The following GRID2 variants were observed in gnomAD, a reference collection of about 807,000 sequenced individuals.
GRID2 encodes the protein glutamate ionotropic receptor delta type subunit 2.
In GRID2, 33 loss-of-function variants were observed where a neutral mutation model predicts 114.8. That is an observed-to-expected ratio of 0.29 (90% confidence interval 0.22 to 0.38). GRID2 has a LOEUF of 0.38. Ranked by LOEUF, GRID2 falls within the 10% of genes least tolerant of loss-of-function variation. The probability of loss-of-function intolerance (pLI) is 1.00; values close to 1 mark genes in which losing one functional copy is unlikely to be tolerated. For missense variants in GRID2, 1,184 were observed against 1,257.7 expected, an observed-to-expected ratio of 0.94 and a Z score of 0.89; for synonymous variants, 505 against 449.9, an observed-to-expected ratio of 1.12 and a Z score of -1.55.
At chr4:92,970,500 C>T (rs892326608) in intron 2 of GRID2, among the ~76,000 whole-genome samples, 4 of 151,854 alleles carry the variant, frequency 2.6e-5, no homozygotes, top group South Asian at 4.1e-4. Flanking sequence ...ACTATAAAGA[C>T]AAAATAGCTA....
intron 4 of GRID2, among the ~76,000 whole-genome samples, chr4:93,166,502 G>A (rs1207943621): frequency 2.0e-5 from 3 of 152,172 alleles, no homozygotes; most frequent in Non-Finnish European, 4.4e-5. Context: ...TGATGTGCTG[G>A]CAAAGAATAA....
At chr4:93,008,854 A>G (rs1721832006) in intron 2 of GRID2, among the ~76,000 whole-genome samples, 1 of 152,134 alleles carries the variant, frequency 6.6e-6, no homozygotes, top group African/African-American at 2.4e-5. Flanking sequence ...GAGCTCTCAA[A>G]AAAGACTACT....
chr4:93,411,762 G>A (rs1225721032), intron 9 of GRID2, among the ~76,000 whole-genome samples: 2 of 151,968 alleles, frequency 1.3e-5, no homozygotes, highest in African/African-American at 4.8e-5. Flanking sequence ...GATGTGATCA[G>A]TAGATTTTTT....
intron 2 of GRID2, among the ~76,000 whole-genome samples, chr4:92,829,453 T>A (rs184524233): frequency 1.8e-4 from 28 of 152,184 alleles, no homozygotes; most frequent in Admixed American, 1.8e-3. Flanking sequence ...GCTGGGGAGG[T>A]TATTGAGAAA....
At chr4:93,085,601 T>A (rs1730267638) in intron 3 of GRID2, among the ~76,000 whole-genome samples, 1 of 152,174 alleles carries the variant, frequency 6.6e-6, no homozygotes, top group Non-Finnish European at 1.5e-5. Flanking sequence ...AACACCGTCT[T>A]TCTTCCCTTT....
chr4:93,344,464 G>T (rs185720159), intron 8 of GRID2, among the ~76,000 whole-genome samples: 1 of 151,312 alleles, frequency 6.6e-6, no homozygotes, highest in Admixed American at 6.6e-5. Context: ...AATAAAAATT[G>T]TATGTATTCA....
intron 2 of GRID2, among the ~76,000 whole-genome samples, chr4:92,722,565 T>G (rs1321034672): frequency 1.3e-5 from 2 of 152,020 alleles, no homozygotes; most frequent in Non-Finnish European, 2.9e-5. Flanking sequence ...AAGAAGATAT[T>G]AACTAAGTGT....
intron 14 of GRID2, among the ~76,000 whole-genome samples, chr4:93,665,656 A>T (rs113408906): frequency 1.3e-5 from 2 of 152,168 alleles, no homozygotes; most frequent in African/African-American, 4.8e-5. Context: ...TCTAAATGCT[A>T]TAAGTTGACA....
chr4:92,940,631 T>G (rs1321835085), intron 2 of GRID2, among the ~76,000 whole-genome samples: 4 of 152,176 alleles, frequency 2.6e-5, no homozygotes, highest in Admixed American at 6.5e-5. Flanking sequence ...AGAGAGGGCA[T>G]CCCTGTCTTG....
intron 14 of GRID2, among the ~76,000 whole-genome samples, chr4:93,702,487 A>G (rs561970353): frequency 6.6e-6 from 1 of 152,104 alleles, no homozygotes; most frequent in Non-Finnish European, 1.5e-5. Flanking sequence ...TTATTATTTT[A>G]TTCATGGGTA....
intron 12 of GRID2, among the ~76,000 whole-genome samples, chr4:93,498,578 A>G (rs1274606971): frequency 1.3e-5 from 2 of 151,828 alleles, no homozygotes; most frequent in Non-Finnish European, 2.9e-5. Flanking sequence ...TGCTAAGCTC[A>G]TATCTTACTT....
At chr4:93,663,331 G>T (rs1022454629) in intron 14 of GRID2, among the ~76,000 whole-genome samples, 2 of 152,238 alleles carry the variant, frequency 1.3e-5, no homozygotes, top group South Asian at 4.1e-4. Context: ...GTCCTCTTAA[G>T]ATTTCTCATC....
chr4:93,520,188 A>G (rs992286548), intron 13 of GRID2, among the ~76,000 whole-genome samples: 2 of 152,188 alleles, frequency 1.3e-5, no homozygotes, highest in African/African-American at 4.8e-5. Flanking sequence ...TTCAGTGAAT[A>G]CCTATTGTTT....
intron 4 of GRID2, among the ~76,000 whole-genome samples, chr4:93,201,714 A>G (rs930048875): frequency 1.3e-5 from 2 of 152,200 alleles, no homozygotes; most frequent in African/African-American, 4.8e-5. Context: ...CACATTTATT[A>G]CTAGTGAGAA....
At chr4:92,478,963 A>T (rs1009123186) in intron 1 of GRID2, among the ~76,000 whole-genome samples, 1 of 152,114 alleles carries the variant, frequency 6.6e-6, no homozygotes, top group African/African-American at 2.4e-5. Flanking sequence ...CTCAGGATTT[A>T]TGAGTTTCCT....
At chr4:93,582,442 T>C (rs1450911816) in intron 13 of GRID2, among the ~76,000 whole-genome samples, 1 of 152,136 alleles carries the variant, frequency 6.6e-6, no homozygotes, top group Non-Finnish European at 1.5e-5. Context: ...ATTTTAGGGA[T>C]TGGAAGGTAG....
chr4:93,548,413 G>A (rs1019121296), intron 13 of GRID2, among the ~76,000 whole-genome samples: 2 of 152,038 alleles, frequency 1.3e-5, no homozygotes, highest in African/African-American at 2.4e-5. Context: ...CAATTCTGAC[G>A]GTAAATTTTT....
At chr4:92,657,401 T>C (rs1040137571) in intron 2 of GRID2, among the ~76,000 whole-genome samples, 1 of 151,698 alleles carries the variant, frequency 6.6e-6, no homozygotes, top group South Asian at 2.1e-4. Flanking sequence ...ATTAATATTT[T>C]TCATTATTTT....
intron 2 of GRID2, among the ~76,000 whole-genome samples, chr4:93,072,725 A>C (rs1728918851): frequency 6.6e-6 from 1 of 152,108 alleles, no homozygotes; most frequent in South Asian, 2.1e-4. Flanking sequence ...ATGGTTAGGT[A>C]GGTCATTAAT....
Sources: gnomAD v4.1 joint callset for allele counts (sites outside exome capture counted in the v4.1 genomes callset) on GRCh38, gnomAD v4.1.1 for gene constraint, MANE v1.5 for transcripts, NCBI Gene and HGNC (gene_info 2026-07-23, HGNC 2026-07-21) for gene names.